ADGRD1: variants seen among roughly 807,000 people sequenced by gnomAD.
The protein encoded by ADGRD1 is adhesion G protein-coupled receptor D1, also known as G-protein coupled receptor 133.
A neutral mutation model predicts 113.4 loss-of-function variants in ADGRD1; 77 were observed. The observed-to-expected ratio is 0.68, with a 90% CI of 0.57 to 0.82. The LOEUF is 0.82. ADGRD1 is among the 40% of genes least tolerant of loss of function. ADGRD1 has a pLI of 0.00. For synonymous variants in ADGRD1, 474 were observed against 475.0 expected, an observed-to-expected ratio of 1.00 and a Z score of 0.03; for missense variants, 1,036 against 1,139.1, an observed-to-expected ratio of 0.91 and a Z score of 1.30.
chr12:130,965,235 G>A lies in ADGRD1; in HGVS notation c.104-1228G>A, dbSNP rs1018753617. 2.6e-5 allele frequency among the ~76,000 whole-genome samples: 4 copies of A among 152,146 alleles called. No homozygotes were observed. The highest frequency in any genetic ancestry group is 9.7e-5 in the African/African-American group (4 of 41,426). On this transcript the variant is annotated intron_variant, in intron 2 of 24. Coordinates refer to ENST00000261654, the MANE Select transcript of ADGRD1 (RefSeq NM_198827.5). The surrounding 1 kb of genome is among the most constrained non-coding windows in gnomAD (Gnocchi z 4.8). ...CAATTGACATTTGTATATTAAATTT[G>A]TACAAGCCTCCTTGCTAAATTCTTT...
chr12:131,104,927 G>GT lies in ADGRD1; in HGVS notation c.1769dup (p.Leu591AlafsTer32), dbSNP rs1950197188. On this transcript the variant is annotated frameshift_variant, in exon 16 of 25. Coordinates refer to ENST00000261654, the MANE Select transcript of ADGRD1 (RefSeq NM_198827.5). LOFTEE classifies it high-confidence loss of function. ...GGTGGCCACGCTGGTCACCTTCGCC[G>GT]TGCTGTCGTGAGTCCCCTTTTCTAA... 6.5e-7 allele frequency: 1 copy of GT among 1,548,892 alleles called. No homozygotes were observed. The highest frequency in any genetic ancestry group is 8.7e-7 in the Non-Finnish European group (1 of 1,145,338).
chr12:131,102,835 G>A (rs764801844), intron 15 of ADGRD1, among the ~76,000 whole-genome samples: 1 of 152,324 alleles, frequency 6.6e-6, no homozygotes, highest in Non-Finnish European at 1.5e-5. Flanking sequence ...CATGGGAGAA[G>A]GAGTAGTGGG....
At chr12:131,135,471 T>C (rs985880876) in intron 21 of ADGRD1, among the ~76,000 whole-genome samples, 2 of 152,174 alleles carry the variant, frequency 1.3e-5, no homozygotes, top group African/African-American at 2.4e-5. Context: ...GCCATGAAGA[T>C]GACCACTTGG....
chr12:130,992,591 A>C, intron 8 of ADGRD1, 199 bp downstream of exon 8: 2 of 480,620 alleles, frequency 4.2e-6, no homozygotes, highest in Non-Finnish European at 7.3e-6. Flanking sequence ...AGCTTCCTTT[A>C]TGGGCACTTG....
chr12:131,084,356 C>A lies in ADGRD1; in HGVS notation c.1548-184C>A, dbSNP rs906237873. 6.6e-6 allele frequency among the ~76,000 whole-genome samples: 1 copy of A among 152,158 alleles called. No individual in the cohort carries two copies. Among genetic ancestry groups the A allele is most frequent in the African/African-American group, 2.4e-5 (1 of 41,444 alleles). ...GCAGACACTCTCCAGCTCTCGCCAG[C>A]CTGATGGCCAGAATCTCTCCTCCCA... On this transcript the variant is annotated intron_variant, in intron 14 of 24. Transcript: ENST00000261654. This position sits in a 1 kb window ranked among gnomAD's most constrained non-coding sequence, Gnocchi z 4.5.
intron 16 of ADGRD1, 34 bp downstream of exon 16, chr12:131,104,968 C>A: frequency 7.1e-7 from 1 of 1,405,198 alleles, no homozygotes; most frequent in Non-Finnish European, 9.8e-7. Context: ...CCAACAGTCT[C>A]TCGGCCCCTG....
Position 131,060,081 on chromosome 12 carries a change from C to T in ADGRD1, c.1474-16720C>T, listed in dbSNP as rs139127285. ...GTACTGCGGCGTGGGGGTGAAAGTC[C>T]GAGTGCCTGCTCTGTGTCCCTTGGA... On this transcript the variant is annotated intron_variant, in intron 13 of 24. Coordinates refer to ENST00000261654, the MANE Select transcript of ADGRD1 (RefSeq NM_198827.5). This position sits in a 1 kb window ranked among gnomAD's most constrained non-coding sequence, Gnocchi z 4.4. Among the ~76,000 whole-genome samples, 435 of 152,370 alleles carry T rather than the reference C, an allele frequency of 2.9e-3. 4 individuals carry two copies. Among genetic ancestry groups the T allele is most frequent in the African/African-American group, 0.01 (424 of 41,592 alleles).
chr12:131,045,955 T>G (rs1018823051), intron 13 of ADGRD1, among the ~76,000 whole-genome samples: 26 of 151,654 alleles, frequency 1.7e-4, no homozygotes, highest in South Asian at 1.0e-3. Context: ...TGGTGCTCCC[T>G]CCCTGGTCAG....
At chr12:131,036,870 G>GTTTCACTCACTGCACTGGGTCTT (rs1316450460) in intron 13 of ADGRD1, among the ~76,000 whole-genome samples, 2 of 147,624 alleles carry the variant, frequency 1.4e-5, no homozygotes, top group Non-Finnish European at 3.0e-5. Flanking sequence ...ACTACACCAG[G>GTTTCACTCACTGCACTGGGTCTT]TTTCACTCAC....
At chr12:130,992,078 G>A (rs965602424) in intron 7 of ADGRD1, among the ~76,000 whole-genome samples, 159 bp from the exon 8 acceptor site, 1 of 149,580 alleles carries the variant, frequency 6.7e-6, no homozygotes, top group Non-Finnish European at 1.5e-5. Context: ...CCGAGATTGC[G>A]CCACTGCACT....
At chr12:131,048,019 CGGCTCCCCTGAAGGGGGTTGGG>C (rs1883013564) in intron 13 of ADGRD1, among the ~76,000 whole-genome samples, 1 of 152,164 alleles carries the variant, frequency 6.6e-6, no homozygotes, top group African/African-American at 2.4e-5. Flanking sequence ...GGCAGAGTGT[CGGCTCCCCTGAAGGGGGTTGGG>C]GGCTTCACAT....
At chr12:130,964,774 C>A (rs1053613068) in intron 2 of ADGRD1, among the ~76,000 whole-genome samples, 4 of 152,220 alleles carry the variant, frequency 2.6e-5, no homozygotes, top group Admixed American at 1.3e-4. Context: ...GTGGATTTTT[C>A]TCCCGCTGAA....
chr12:131,006,357 A>G (rs1019663727), intron 12 of ADGRD1, among the ~76,000 whole-genome samples: 2 of 152,238 alleles, frequency 1.3e-5, no homozygotes, highest in African/African-American at 4.8e-5. Context: ...ACTGCTGTGT[A>G]ATGGAAGACA....
At position 131,028,874 on chromosome 12, in the gene ADGRD1, C is replaced by T. The variant is rs373128787; in HGVS notation, c.1473+14534C>T. ...AAACCCTCCAGCTTGTTATTCCAGG[C>T]GGCCTCGGCTATTTTTGGTGAGACG... is the stretch of plus-strand genomic sequence containing the variant. On this transcript the variant is annotated intron_variant, in intron 13 of 24. Coordinates refer to ENST00000261654, the MANE Select transcript of ADGRD1 (RefSeq NM_198827.5). Among the ~76,000 whole-genome samples the T allele has an allele frequency of 2.0e-4, 31 of 152,314 alleles. No individual in the cohort carries two copies. In the South Asian group the frequency reaches 5.8e-3, roughly 29 times the overall value.
intron 4 of ADGRD1, among the ~76,000 whole-genome samples, chr12:130,974,799 CT>C (rs1872111612): frequency 1.2e-4 from 1 of 8,010 alleles, no homozygotes; most frequent in Non-Finnish European, 2.7e-3. Context: ...GAGGTCCCTG[CT>C]GTGGCCCTGC....
rs1346181696 is a variant in ADGRD1 at position 131,014,282 on chromosome 12, C to A, written c.1415C>A (p.Thr472Asn). 6.2e-7 allele frequency: 1 copy of A among 1,614,012 alleles called. No homozygotes were observed. Among genetic ancestry groups the A allele is most frequent in the East Asian group, 2.2e-5 (1 of 44,886 alleles). Reference protein sequence around the residue: ...LISLEVSPPPTLSQNLSGSPL... With the variant: ...LISLEVSPPPNLSQNLSGSPL... ...TCCCTGGAGGTGTCCCCACCACCCA[C>A]CCTGTCTCAGAACCTGTCGGGCTCT... Residue 472 changes from threonine to asparagine, a missense_variant, in exon 13 of 25, where the codon ACC becomes AAC. Coordinates refer to ENST00000261654, the MANE Select transcript of ADGRD1 (RefSeq NM_198827.5).
At chr12:131,078,056 T>C (rs1351208704) in intron 14 of ADGRD1, among the ~76,000 whole-genome samples, 1 of 152,188 alleles carries the variant, frequency 6.6e-6, no homozygotes, top group Non-Finnish European at 1.5e-5. Context: ...CATCTTCCTG[T>C]GCCTGGACTC....
At chr12:131,028,047 G>C (rs1009782781) in intron 13 of ADGRD1, 14 of 152,170 alleles carry the variant, frequency 9.2e-5, no homozygotes, top group African/African-American at 3.4e-4. Context: ...TGAACAGCTG[G>C]TGCCCGGTGC....
rs1950388937 is a variant in ADGRD1 at position 131,113,405 on chromosome 12, C to T, written c.2041+4528C>T. On this transcript the variant is annotated intron_variant, in intron 18 of 24. Transcript: ENST00000261654. The surrounding 1 kb of genome is among the most constrained non-coding windows in gnomAD (Gnocchi z 4.9). ...GCCCATCCCAAGGGGTCCCAGTGAG[C>T]ACTGGAGGCTCTAGGTTGGGCTGTG... 6.6e-6 allele frequency among the ~76,000 whole-genome samples: 1 copy of T among 152,102 alleles called. No individual in the cohort carries two copies. Among genetic ancestry groups the T allele is most frequent in the African/African-American group, 2.4e-5 (1 of 41,402 alleles).
Sources: gnomAD v4.1 joint callset for allele counts (sites outside exome capture counted in the v4.1 genomes callset) on GRCh38, gnomAD v4.1.1 for gene constraint, Gnocchi (gnomAD v3.1) non-coding constraint, MANE v1.5 for transcripts, NCBI Gene and HGNC (gene_info 2026-07-23, HGNC 2026-07-21) for gene names.